Variants in SH3RF3 observed in about 807,000 individuals in gnomAD.
The protein encoded by SH3RF3 is SH3 domain containing ring finger 3.
SH3RF3 carries 29 observed loss-of-function variants against 66.3 expected under a neutral mutation model. The observed-to-expected ratio is 0.44, with a 90% CI of 0.33 to 0.60. SH3RF3 has a LOEUF of 0.60. SH3RF3 is among the 20% of genes least tolerant of loss of function. SH3RF3 has a pLI of 0.04. For synonymous variants in SH3RF3, 583 were observed against 532.0 expected (o/e 1.10, Z -1.32); for missense variants, 1,194 against 1,190.9 (o/e 1.00, Z -0.04).
chr2:109,171,385 G>T (rs2104947881), intron 1 of SH3RF3, among the ~76,000 whole-genome samples: 1 of 152,260 alleles, frequency 6.6e-6, no homozygotes, highest in Admixed American at 6.5e-5. Flanking sequence ...TGTTGTTAGT[G>T]ACTATGAATA....
intron 1 of SH3RF3, among the ~76,000 whole-genome samples, chr2:109,161,675 G>A (rs976809104): frequency 5.9e-5 from 9 of 151,920 alleles, no homozygotes; most frequent in African/African-American, 2.2e-4. Flanking sequence ...AGGGGAGCTG[G>A]TGTGCAGAGA....
intron 8 of SH3RF3, among the ~76,000 whole-genome samples, chr2:109,460,798 A>G (rs941009458): frequency 6.6e-6 from 1 of 152,250 alleles, no homozygotes; most frequent in African/African-American, 2.4e-5. Context: ...TCATTAAACA[A>G]TCACACTTCT....
intron 1 of SH3RF3, among the ~76,000 whole-genome samples, chr2:109,138,877 A>G (rs968729367): frequency 4.1e-4 from 62 of 152,238 alleles, no homozygotes; most frequent in African/African-American, 1.4e-3. Flanking sequence ...TGGAATATAC[A>G]TTGTTCACAA....
intron 1 of SH3RF3, among the ~76,000 whole-genome samples, chr2:109,248,892 G>T (rs62151311): frequency 6.4e-3 from 8 of 1,250 alleles, no homozygotes; most frequent in African/African-American, 7.3e-3. Context: ...GTCCTTTCCT[G>T]TCCTGTCCTG....
chr2:109,354,686 C>G (rs1559039944), intron 2 of SH3RF3, among the ~76,000 whole-genome samples: 1 of 152,246 alleles, frequency 6.6e-6, no homozygotes, highest in Non-Finnish European at 1.5e-5. Context: ...CCGCCAGCCA[C>G]CTCCAGTGGC....
intron 5 of SH3RF3, among the ~76,000 whole-genome samples, chr2:109,420,636 G>C (rs1001150599): frequency 6.6e-6 from 1 of 152,082 alleles, no homozygotes; most frequent in African/African-American, 2.4e-5. Context: ...TAGTAGAGAT[G>C]GGGTTTCACC....
intron 1 of SH3RF3, among the ~76,000 whole-genome samples, chr2:109,213,522 A>G (rs1264500021): frequency 6.6e-6 from 1 of 152,214 alleles, no homozygotes; most frequent in Non-Finnish European, 1.5e-5. Flanking sequence ...CATATCTGCC[A>G]TCTGAAGCCT....
chr2:109,486,807 C>T (rs904996057), intron 8 of SH3RF3, among the ~76,000 whole-genome samples: 10 of 152,310 alleles, frequency 6.6e-5, no homozygotes, highest in South Asian at 2.1e-4. Context: ...CCCAGCAGGG[C>T]GACAGCAGCC....
At chr2:109,168,997 G>A (rs1431587888) in intron 1 of SH3RF3, among the ~76,000 whole-genome samples, 1 of 152,160 alleles carries the variant, frequency 6.6e-6, no homozygotes, top group Non-Finnish European at 1.5e-5. Flanking sequence ...TGGAAGAAAG[G>A]CAGCTCATGA....
chr2:109,398,688 G>A lies in SH3RF3; in HGVS notation c.1044G>A (p.Val348=), dbSNP rs1437519683. The change falls in exon 4 of 10, where the codon GTG becomes GTA. Residue 348 remains valine (V), a synonymous_variant. Transcript: ENST00000309415. Reference sequence around the variant, plus strand: ...CCCTGCCCTCTGACTCCGGCGCTGTGGCCAGCGTGGCCCCAAGTCCCACTT... The same window carrying A: ...CCCTGCCCTCTGACTCCGGCGCTGTAGCCAGCGTGGCCCCAAGTCCCACTT... ...NASLPSDSGA[V]ASVAPSPTLS... 1.2e-6 allele frequency: 2 copies of A among 1,610,952 alleles called. No homozygotes were observed. Among genetic ancestry groups the A allele is most frequent in the Middle Eastern group, 1.7e-4 (1 of 6,056 alleles).
intron 6 of SH3RF3, among the ~76,000 whole-genome samples, chr2:109,436,437 T>C (rs1677400767): frequency 6.6e-6 from 1 of 152,194 alleles, no homozygotes; most frequent in Admixed American, 6.5e-5. Context: ...GTGTGTGCCC[T>C]TTCCCAGCAG....
rs181425478 is a variant in SH3RF3, at chr2:109,174,020, A to G, written c.573+43907A>G. Among the ~76,000 whole-genome samples the G allele has an allele frequency of 3.9e-5, 6 of 152,322 alleles. No homozygotes were observed. In the East Asian group the frequency reaches 1.2e-3, roughly 29 times the overall value. On this transcript the variant is annotated intron_variant, in intron 1 of 9. Coordinates refer to ENST00000309415, the MANE Select transcript of SH3RF3 (RefSeq NM_001099289.3). ...CGGAAAGCACTGGGCTCAGTCCTTG[A>G]TTCAGAGAACACACAGCAGTGCGGT...
intron 1 of SH3RF3, among the ~76,000 whole-genome samples, chr2:109,229,497 G>A (rs1470929575): frequency 6.6e-6 from 1 of 152,126 alleles, no homozygotes; most frequent in Non-Finnish European, 1.5e-5. Flanking sequence ...GGGTGGTCAC[G>A]GCAGGTGGAT....
intron 1 of SH3RF3, among the ~76,000 whole-genome samples, chr2:109,274,097 A>T (rs991329945): frequency 6.6e-6 from 1 of 152,170 alleles, no homozygotes; most frequent in African/African-American, 2.4e-5. Context: ...TTGTCATGTC[A>T]AGGAAAATCA....
At chr2:109,221,542 A>G (rs968166127) in intron 1 of SH3RF3, among the ~76,000 whole-genome samples, 19 of 148,798 alleles carry the variant, frequency 1.3e-4, no homozygotes, top group Admixed American at 1.4e-4. Flanking sequence ...CGATCGCGCC[A>G]GTGCACTCCA....
At chr2:109,295,934 G>A (rs113788343) in intron 1 of SH3RF3, among the ~76,000 whole-genome samples, 5,690 of 152,220 alleles carry the variant, frequency 0.037, 267 homozygotes, top group African/African-American at 0.1. Flanking sequence ...TGCCTGTGCC[G>A]ACACTGCTCC....
chr2:109,278,382 G>A (rs1032086780), intron 1 of SH3RF3, among the ~76,000 whole-genome samples: 5 of 152,196 alleles, frequency 3.3e-5, no homozygotes, highest in African/African-American at 1.2e-4. Flanking sequence ...GTCTGCAGTG[G>A]TGATGACACT....
rs1457264720 is a variant in SH3RF3, at chr2:109,129,687, G to A, written c.147G>A (p.Ser49=). 5 of 1,525,496 alleles carry A rather than the reference G, an allele frequency of 3.3e-6. No individual in the cohort carries two copies. Among genetic ancestry groups the A allele is most frequent in the Non-Finnish European group, 4.4e-6 (5 of 1,141,404 alleles). 94.5% of individuals were successfully genotyped at this position (1,525,496 alleles called of 1,614,324 possible). A position where few individuals can be genotyped will look rare whatever the true frequency, so the allele number is the denominator to read the frequency against. ...AAGAGEDMDE[S]SLLDLLECSV... ...GGGCGGGCGAGGACATGGACGAGTC[G>A]TCGCTGCTGGACCTGCTGGAGTGCT... Residue 49 remains serine, a synonymous_variant, in exon 1 of 10, where the codon TCG becomes TCA. Transcript: ENST00000309415.
intron 6 of SH3RF3, among the ~76,000 whole-genome samples, chr2:109,433,197 T>A: frequency 6.6e-6 from 1 of 152,238 alleles, no homozygotes. Flanking sequence ...TGTGTATGCA[T>A]GTGTGTGCAG....
Sources: gnomAD v4.1 joint callset for allele counts (sites outside exome capture counted in the v4.1 genomes callset) on GRCh38, gnomAD v4.1.1 for gene constraint, MANE v1.5 for transcripts, NCBI Gene and HGNC (gene_info 2026-07-23, HGNC 2026-07-21) for gene names.